Variants in RBPJ observed in about 807,000 individuals in gnomAD.
RBPJ encodes the protein recombining binding protein suppressor of hairless.
RBPJ carries 9 observed loss-of-function variants against 67.8 expected under a neutral mutation model. That is an observed-to-expected ratio of 0.13 (90% CI 0.08 to 0.23). RBPJ has a LOEUF of 0.23. RBPJ is among the 10% of genes least tolerant of loss of function. RBPJ has a pLI of 1.00. For synonymous variants in RBPJ, 198 were observed against 203.3 expected (o/e 0.97, Z 0.22); for missense variants, 305 against 595.6 (o/e 0.51, Z 5.08).
intron 1 of RBPJ, among the ~76,000 whole-genome samples, chr4:26,170,055 G>A (rs1014162336): frequency 3.9e-5 from 6 of 152,072 alleles, no homozygotes; most frequent in South Asian, 2.1e-4. Context: ...ACCGTGCTTC[G>A]GCTGGCGCAC....
chr4:26,272,760 AG>A (rs1338138095), intron 1 of RBPJ: 1 of 450,340 alleles, frequency 2.2e-6, no homozygotes, highest in East Asian at 7.0e-5. Context: ...TGAAACCATG[AG>A]GTAGGTCTAA....
chr4:26,130,006 C>T, the RBPJ span, among the ~76,000 whole-genome samples: 12 of 152,152 alleles, frequency 7.9e-5, no homozygotes, highest in Admixed American at 1.3e-4. Flanking sequence ...GGAGTACAGG[C>T]GTGCACCACC....
chr4:26,286,140 T>C (rs1039596908), intron 1 of RBPJ, among the ~76,000 whole-genome samples: 1 of 151,404 alleles, frequency 6.6e-6, no homozygotes, highest in African/African-American at 2.4e-5. Context: ...ACCATATTAA[T>C]TTGGAAGACT....
intron 1 of RBPJ, among the ~76,000 whole-genome samples, chr4:26,262,747 T>G (rs1720579295): frequency 6.6e-6 from 1 of 152,184 alleles, no homozygotes; most frequent in Non-Finnish European, 1.5e-5. Flanking sequence ...TATTGAGCTT[T>G]TCAACCATAA....
At chr4:26,361,261 T>C (rs1728034315) in intron 1 of RBPJ, among the ~76,000 whole-genome samples, 1 of 152,198 alleles carries the variant, frequency 6.6e-6, no homozygotes. Flanking sequence ...TAGAGTTCTT[T>C]CACTATATAT....
At chr4:26,283,669 C>T (rs1318904754) in intron 1 of RBPJ, among the ~76,000 whole-genome samples, 8 of 138,462 alleles carry the variant, frequency 5.8e-5, no homozygotes, top group Non-Finnish European at 1.2e-4. Context: ...TTTTTTGAGA[C>T]GGTGTCTTGC....
chr4:26,398,688 A>C (rs1045603873), intron 2 of RBPJ, among the ~76,000 whole-genome samples: 2 of 152,166 alleles, frequency 1.3e-5, no homozygotes, highest in Non-Finnish European at 2.9e-5. Flanking sequence ...ATCTCAGCTC[A>C]CTGCAACTTC....
chr4:26,320,571 AG>A (rs1198302426), upstream of RBPJ: 1 of 567,834 alleles, frequency 1.8e-6, no homozygotes, highest in Non-Finnish European at 3.0e-6. Context: ...ACACCCATTG[AG>A]GAGGTGTTTC....
intron 1 of RBPJ, among the ~76,000 whole-genome samples, chr4:26,173,273 C>T (rs1188965187): frequency 2.0e-5 from 3 of 152,166 alleles, no homozygotes; most frequent in Non-Finnish European, 4.4e-5. Flanking sequence ...ATAGCTGGGA[C>T]TATAGGCATG....
intron 1 of RBPJ, among the ~76,000 whole-genome samples, chr4:26,171,830 A>G (rs1451793059): frequency 6.6e-6 from 1 of 152,234 alleles, no homozygotes; most frequent in Non-Finnish European, 1.5e-5. Flanking sequence ...TCACAAGGCC[A>G]CCACAGCAAA....
chr4:26,271,057 T>C (rs1720901912), intron 1 of RBPJ, among the ~76,000 whole-genome samples: 1 of 152,192 alleles, frequency 6.6e-6, no homozygotes, highest in African/African-American at 2.4e-5. Context: ...TAAATCTCTT[T>C]CTGTGCCTAA....
the RBPJ span, among the ~76,000 whole-genome samples, chr4:26,109,579 C>CTCTCTCTCTATATA: frequency 3.4e-5 from 1 of 29,392 alleles, no homozygotes; most frequent in African/African-American, 2.1e-4. Flanking sequence ...CTCTCTCTCT[C>CTCTCTCTCTATATA]TATATATATA....
chr4:26,221,787 A>C (rs1006721005), intron 1 of RBPJ, among the ~76,000 whole-genome samples: 1 of 152,338 alleles, frequency 6.6e-6, no homozygotes, highest in Admixed American at 6.5e-5. Flanking sequence ...TGTACATTTC[A>C]AAATAGCTAG....
At chr4:26,389,039 T>C (rs1731217508) in intron 2 of RBPJ, among the ~76,000 whole-genome samples, 1 of 151,838 alleles carries the variant, frequency 6.6e-6, no homozygotes, top group Non-Finnish European at 1.5e-5. Context: ...ATGGGCAACA[T>C]GGCGAAACCG....
rs369372023 is a variant in RBPJ at position 26,424,522 on chromosome 4, G to A, written c.634+43G>A. The A allele has an allele frequency of 1.2e-5, 20 of 1,601,456 alleles. No homozygotes were observed. In the African/African-American group the frequency reaches 2.6e-4, roughly 20 times the overall value. ...CATTTAATGTTTTTAGTGTGAAATT[G>A]TTAAAATCTTTTGATGAGATACATG... On this transcript the variant is annotated intron_variant, in intron 6 of 10. Coordinates refer to ENST00000355476, the MANE Select transcript of RBPJ (RefSeq NM_015874.6). This position sits in a 1 kb window ranked among gnomAD's most constrained non-coding sequence, Gnocchi z 5.3.
chr4:26,166,376 C>T (rs1716300084), intron 1 of RBPJ, among the ~76,000 whole-genome samples: 1 of 132,136 alleles, frequency 7.6e-6, no homozygotes, highest in African/African-American at 2.7e-5. Flanking sequence ...CTCTCCAGCA[C>T]CTGTTGTTTC....
rs1406985744 is a variant in RBPJ at position 26,293,711 on chromosome 4, A to G, written c.-166-68735A>G. 1.5e-5 allele frequency among the ~76,000 whole-genome samples: 2 copies of G among 137,880 alleles called. 1 individual carries two copies. Among genetic ancestry groups the G allele is most frequent in the Non-Finnish European group, 3.3e-5 (2 of 61,002 alleles). The allele number at this position is 137,880 out of a possible 152,430, so 90.5% of individuals were successfully genotyped here. A position where few individuals can be genotyped will look rare whatever the true frequency, so the allele number is the denominator to read the frequency against. On this transcript the variant is annotated intron_variant, in intron 1 of 4. Coordinates refer to the RBPJ transcript ENST00000512351. ...TTTTCCAATGCTAATTATGATGGCAAAACAATTCAGGAATGACAAAAATAA... is the reference window on the plus strand; with the variant it reads ...TTTTCCAATGCTAATTATGATGGCAGAACAATTCAGGAATGACAAAAATAA...
chr4:26,253,997 AT>A (rs1720209137), intron 1 of RBPJ, among the ~76,000 whole-genome samples: 2 of 148,730 alleles, frequency 1.3e-5, no homozygotes, highest in South Asian at 2.1e-4. Flanking sequence ...TTACTCATAC[AT>A]TTTTTCCTTC....
intron 1 of RBPJ, among the ~76,000 whole-genome samples, chr4:26,169,486 G>A (rs1716470513): frequency 6.6e-6 from 1 of 152,198 alleles, no homozygotes. Context: ...CCCCTACTGG[G>A]GGGTGCCTCC....
Sources: allele counts gnomAD v4.1 joint callset (sites outside exome capture counted in the v4.1 genomes callset), GRCh38; gene constraint gnomAD v4.1.1; non-coding constraint Gnocchi (gnomAD v3.1); transcripts MANE v1.5; gene names NCBI Gene and HGNC (gene_info 2026-07-23, HGNC 2026-07-21).